The following PARM1 variants were observed in gnomAD, a reference collection of about 807,000 sequenced individuals.
The protein encoded by PARM1 is WSC4, cell wall integrity and stress response component 4 homolog.
In PARM1, 14 loss-of-function variants were observed where a neutral mutation model predicts 24.6. That is an observed-to-expected ratio of 0.57 (90% CI 0.38 to 0.89). The LOEUF is 0.89. PARM1 is among the 40% of genes least tolerant of loss of function. The pLI is 0.00. For synonymous variants in PARM1, 179 were observed against 156.6 expected, an observed-to-expected ratio of 1.14 and a Z score of -1.07; for missense variants, 362 against 380.4, an observed-to-expected ratio of 0.95 and a Z score of 0.40.
intron 1 of PARM1, among the ~76,000 whole-genome samples, chr4:74,963,209 T>G (rs1459562011): frequency 3.4e-4 from 52 of 152,236 alleles, no homozygotes; most frequent in African/African-American, 1.2e-3. Flanking sequence ...AGATATTTCT[T>G]CATAGCAGTG....
intron 1 of PARM1, among the ~76,000 whole-genome samples, chr4:74,948,132 C>G (rs888342619): frequency 2.6e-5 from 4 of 152,174 alleles, no homozygotes; most frequent in African/African-American, 9.7e-5. Flanking sequence ...CTGTGTTCTT[C>G]ACATGTCAGC....
chr4:75,026,143 G>A (rs1723178468), intron 2 of PARM1, among the ~76,000 whole-genome samples: 1 of 152,156 alleles, frequency 6.6e-6, no homozygotes, highest in African/African-American at 2.4e-5. Context: ...GTTTTCCTTA[G>A]AAAGATGCTT....
In PARM1 at chr4:74,933,513, T is replaced by G. The variant is rs1232060393; in HGVS notation, c.43+143T>G. The G allele has an allele frequency of 4.8e-5, 34 of 708,780 alleles. No individual in the cohort carries two copies. The Admixed American group carries it at 7.5e-4, about 16-fold the overall frequency. The allele number at this position is 708,780 out of a possible 1,614,324, so 43.9% of individuals were successfully genotyped here. A position where few individuals can be genotyped will look rare whatever the true frequency, so the allele number is the denominator to read the frequency against. On this transcript the variant is annotated intron_variant, in intron 1 of 3. Coordinates refer to ENST00000307428, the MANE Select transcript of PARM1 (RefSeq NM_015393.4). ...TGCGCAGGTGTGTGCGCACTTAGAT[T>G]TGGGGTGACGTGCACCTTTGGCGGT...
intron 1 of PARM1, among the ~76,000 whole-genome samples, chr4:74,975,167 G>A (rs529228105): frequency 2.0e-5 from 3 of 152,104 alleles, no homozygotes; most frequent in African/African-American, 7.2e-5. Context: ...TCCAGTTTTC[G>A]AAAGATTGCA....
At chr4:75,038,923 G>A (rs951369229) in intron 3 of PARM1, among the ~76,000 whole-genome samples, 4 of 152,142 alleles carry the variant, frequency 2.6e-5, no homozygotes, top group Non-Finnish European at 5.9e-5. Context: ...AGACTACATG[G>A]GCTGTTTTCT....
At chr4:74,994,737 G>A (rs1338444094) in intron 1 of PARM1, among the ~76,000 whole-genome samples, 2 of 151,818 alleles carry the variant, frequency 1.3e-5, no homozygotes, top group African/African-American at 4.8e-5. Context: ...AGGTTGCAAT[G>A]AGCTGAGATC....
intron 1 of PARM1, among the ~76,000 whole-genome samples, chr4:74,995,561 A>G (rs948214232): frequency 6.6e-6 from 1 of 152,092 alleles, no homozygotes; most frequent in African/African-American, 2.4e-5. Context: ...CAGGGTTTGA[A>G]CGGGGTAGTC....
At chr4:74,942,747 TC>T (rs1342103921) in intron 1 of PARM1, among the ~76,000 whole-genome samples, 1 of 152,222 alleles carries the variant, frequency 6.6e-6, no homozygotes, top group Admixed American at 6.5e-5. Context: ...TGCTGTGGCC[TC>T]CTCTCAGATC....
chr4:74,958,020 AT>A (rs748923496), intron 1 of PARM1, among the ~76,000 whole-genome samples: 4 of 152,190 alleles, frequency 2.6e-5, no homozygotes, highest in Admixed American at 2.0e-4. Flanking sequence ...CAGACTACTC[AT>A]AGAGAGGCTT....
At chr4:75,020,504 C>G (rs1369906764) in intron 2 of PARM1, among the ~76,000 whole-genome samples, 2 of 149,090 alleles carry the variant, frequency 1.3e-5, no homozygotes, top group Non-Finnish European at 3.0e-5. Flanking sequence ...CCCCCCCCCG[C>G]ACCCATCTCC....
intron 1 of PARM1, among the ~76,000 whole-genome samples, chr4:74,937,433 T>C (rs915560020): frequency 2.1e-4 from 32 of 152,192 alleles, no homozygotes; most frequent in African/African-American, 7.7e-4. Context: ...ACAGAGGCAG[T>C]GTTTCAAGAT....
chr4:74,976,487 A>T (rs1035089049), intron 1 of PARM1, among the ~76,000 whole-genome samples: 1 of 152,208 alleles, frequency 6.6e-6, no homozygotes, highest in Non-Finnish European at 1.5e-5. Context: ...GGGTGGCCAC[A>T]GTTTCCACAG....
At chr4:74,984,886 T>C (rs918382928) in intron 1 of PARM1, among the ~76,000 whole-genome samples, 1 of 152,158 alleles carries the variant, frequency 6.6e-6, no homozygotes, top group Admixed American at 6.5e-5. Flanking sequence ...GTCCCAAAGC[T>C]TAAAACATTT....
At chr4:74,942,964 C>G (rs1041672303) in intron 1 of PARM1, among the ~76,000 whole-genome samples, 3 of 152,200 alleles carry the variant, frequency 2.0e-5, no homozygotes, top group African/African-American at 7.2e-5. Flanking sequence ...ATCTTCTACA[C>G]TCTTCTTTGC....
At chr4:74,974,798 G>A (rs1398489546) in intron 1 of PARM1, among the ~76,000 whole-genome samples, 3 of 152,114 alleles carry the variant, frequency 2.0e-5, no homozygotes, top group African/African-American at 7.2e-5. Flanking sequence ...CAGAAGGATG[G>A]GGCTCTTGTG....
intron 1 of PARM1, chr4:74,956,164 C>A (rs1721628564): frequency 6.6e-6 from 1 of 152,114 alleles, no homozygotes; most frequent in African/African-American, 2.4e-5. Flanking sequence ...TGACAAAAGT[C>A]AAAACTCATA....
At chr4:74,984,847 A>T (rs184940780) in intron 1 of PARM1, among the ~76,000 whole-genome samples, 1 of 152,332 alleles carries the variant, frequency 6.6e-6, no homozygotes, top group Non-Finnish European at 1.5e-5. Context: ...AAGCACACTA[A>T]GAAGAATATG....
At chr4:74,963,038 G>T (rs1721811792) in intron 1 of PARM1, among the ~76,000 whole-genome samples, 1 of 152,178 alleles carries the variant, frequency 6.6e-6, no homozygotes, top group Non-Finnish European at 1.5e-5. Flanking sequence ...ATAAGCGTCT[G>T]GCATTTTCTC....
chr4:75,025,872 G>T (rs1181203790), intron 2 of PARM1, among the ~76,000 whole-genome samples: 1 of 152,202 alleles, frequency 6.6e-6, no homozygotes, highest in Non-Finnish European at 1.5e-5. Context: ...CTACCTCACA[G>T]TTCGAATCCC....
Sources: allele counts gnomAD v4.1 joint callset (sites outside exome capture counted in the v4.1 genomes callset), GRCh38; gene constraint gnomAD v4.1.1; transcripts MANE v1.5; gene names NCBI Gene and HGNC (gene_info 2026-07-23, HGNC 2026-07-21).